Variants in LIPE observed in about 807,000 individuals in gnomAD.
LIPE encodes the protein lipase E, hormone sensitive type.
LIPE carries 66 observed loss-of-function variants against 88.5 expected under a neutral mutation model. The observed-to-expected ratio is 0.75, with a 90% CI of 0.61 to 0.91. LIPE has a LOEUF of 0.91. LIPE is among the 40% of genes least tolerant of loss of function. LIPE has a pLI of 0.00. For synonymous variants in LIPE, 570 were observed against 617.5 expected (o/e 0.92, Z 1.14); for missense variants, 1,346 against 1,434.7 (o/e 0.94, Z 1.00).
rs2040008238 is a variant in LIPE at position 42,402,351 on chromosome 19, T to C, written c.2967+256A>G. Among the ~76,000 whole-genome samples, 3 of 152,044 alleles carry C rather than the reference T, an allele frequency of 2.0e-5. No individual in the cohort carries two copies. The South Asian group carries it at 6.2e-4, about 31-fold the overall frequency. Reference sequence around the variant, plus strand: ...CGCCAAACCCACCTTTTTTTTCTCTTGATTCTCCAAGCCCAAGGGGCTGCC... The same window carrying C: ...CGCCAAACCCACCTTTTTTTTCTCTCGATTCTCCAAGCCCAAGGGGCTGCC... On this transcript the variant is annotated intron_variant, in intron 9 of 9. Transcript: ENST00000244289.
intron 1 of LIPE, among the ~76,000 whole-genome samples, chr19:42,420,567 A>T (rs1431989418): frequency 6.6e-6 from 1 of 151,680 alleles, no homozygotes; most frequent in African/African-American, 2.4e-5. Flanking sequence ...CCAGGATGTC[A>T]TCCTGGCCAC....
intron 7 of LIPE, chr19:42,405,955 C>CT (rs545539499): frequency 1.7e-6 from 1 of 581,158 alleles, no homozygotes; most frequent in South Asian, 2.1e-5. Flanking sequence ...CACCTTGTGT[C>CT]TGTCTGTCTC....
intron 9 of LIPE, 37 bp from the exon 10 acceptor site, chr19:42,402,112 G>T (rs1247033413): frequency 7.0e-7 from 1 of 1,430,796 alleles, no homozygotes; most frequent in South Asian, 1.5e-5. Context: ...AGAGAGGGTG[G>T]GGGACAGACA....
intron 1 of LIPE, chr19:42,423,667 G>C (rs528414719): frequency 3.4e-6 from 4 of 1,160,588 alleles, no homozygotes; most frequent in African/African-American, 1.7e-5. Flanking sequence ...TCTGGGTCCA[G>C]CTCCCTAACC....
chr19:42,424,099 G>A, intron 1 of LIPE: 1 of 1,189,932 alleles, frequency 8.4e-7, no homozygotes, highest in Non-Finnish European at 1.1e-6. Flanking sequence ...TTGGAGGAGG[G>A]AGCCCCGCTT....
Position 42,410,685 on chromosome 19 carries a change from C to G in LIPE, c.1041G>C (p.Gly347=). The change falls in exon 2 of 10, where the codon GGG becomes GGC. Residue 347 remains glycine, a synonymous_variant. Transcript: ENST00000244289. This position sits in a 1 kb window ranked among gnomAD's most constrained non-coding sequence, Gnocchi z 6.1. ...VFAGVREQAL[G]LEPALGRLLG... ...GCAGGCGGCCCAGGGCCGGCTCCAG[C>G]CCCAGCGCCTGCTCCCGTACACCGG... 1 of 1,612,702 alleles carries G rather than the reference C, an allele frequency of 6.2e-7. No homozygotes were observed. The highest frequency in any genetic ancestry group is 8.5e-7 in the Non-Finnish European group (1 of 1,179,106).
chr19:42,406,150 G>C lies in LIPE; in HGVS notation c.2365+11C>G. ...GCAGTCCTGTTTCCCTGCTGAGGGT[G>C]TGGGCCTCACCAGCATAGGCGCTGA... On this transcript the variant is annotated intron_variant, in intron 7 of 9. Coordinates refer to ENST00000244289, the MANE Select transcript of LIPE (RefSeq NM_005357.4). This position sits in a 1 kb window ranked among gnomAD's most constrained non-coding sequence, Gnocchi z 5.7. The C allele has an allele frequency of 6.3e-7, 1 of 1,591,530 alleles. No individual in the cohort carries two copies. Among genetic ancestry groups the C allele is most frequent in the Non-Finnish European group, 8.6e-7 (1 of 1,161,772 alleles).
chr19:42,423,956 C>T (rs2040656539), intron 1 of LIPE: 2 of 1,168,710 alleles, frequency 1.7e-6, no homozygotes, highest in Non-Finnish European at 2.1e-6. Context: ...GCACGCGGCC[C>T]GGCCCGCCTT....
rs776474826 is a variant in LIPE, at chr19:42,402,029, C to T, written c.3014G>A (p.Arg1005Gln). Residue 1005 changes from arginine to glutamine, a missense_variant, in exon 10 of 10, where the codon CGG becomes CAG. By Grantham distance (43) the Arg-to-Gln change is conservative. Coordinates refer to ENST00000244289, the MANE Select transcript of LIPE (RefSeq NM_005357.4). ...CGGCTGGCCCAGGTTGCGCAGTCGC[C>T]GCGCGAGCATGACCGAGTCGTCCAG... The part of the protein sequence containing the change: ...PMLDDSVMLA[R>Q]RLRNLGQPVT... The T allele has an allele frequency of 9.1e-6, 14 of 1,535,964 alleles. No individual in the cohort carries two copies. Among genetic ancestry groups the T allele is most frequent in the Non-Finnish European group, 4.4e-6 (5 of 1,141,614 alleles).
rs2040248596 is a variant in LIPE at position 42,408,130 on chromosome 19, C to T, written c.1511-9G>A. ...AGAGCTGGCGGCCACACCTAGGGGT[C>T]AGAAGGGGTGTCAGGGAGCCCCAGT... On this transcript the variant is annotated splice_polypyrimidine_tract_variant and intron_variant, in intron 3 of 9. Coordinates refer to ENST00000244289, the MANE Select transcript of LIPE (RefSeq NM_005357.4). The surrounding 1 kb of genome is among the most constrained non-coding windows in gnomAD (Gnocchi z 4.3). The T allele has an allele frequency of 6.2e-7, 1 of 1,613,948 alleles. No individual in the cohort carries two copies. The highest frequency in any genetic ancestry group is 1.1e-5 in the South Asian group (1 of 91,072).
chr19:42,419,787 A>T (rs923335450), intron 1 of LIPE, among the ~76,000 whole-genome samples: 3 of 152,124 alleles, frequency 2.0e-5, no homozygotes, highest in African/African-American at 7.2e-5. Flanking sequence ...CTGGAATCAG[A>T]TGCAGGTGGG....
chr19:42,401,984 TC>T lies in LIPE; in HGVS notation c.3058del (p.Glu1020ArgfsTer8). Reference sequence around the variant, plus strand: ...GGTCAGGAAGCCGTGCGGCAGGTCCTCCACCACGCGCAGCGTCACCGGCTGG... The same window carrying T: ...GGTCAGGAAGCCGTGCGGCAGGTCCTCACCACGCGCAGCGTCACCGGCTGG... The part of the protein sequence containing the change: ...LGQPVTLRVV[E>X]DLPHGFLTLA... On this transcript the variant is annotated frameshift_variant, in exon 10 of 10. Coordinates refer to ENST00000244289, the MANE Select transcript of LIPE (RefSeq NM_005357.4). LOFTEE classifies it low-confidence loss of function (END_TRUNC). The T allele has an allele frequency of 6.4e-7, 1 of 1,555,310 alleles. No individual in the cohort carries two copies. The highest frequency in any genetic ancestry group is 8.7e-7 in the Non-Finnish European group (1 of 1,152,588).
At chr19:42,420,822 C>T (rs1461689751) in intron 1 of LIPE, among the ~76,000 whole-genome samples, 1 of 152,172 alleles carries the variant, frequency 6.6e-6, no homozygotes, top group Non-Finnish European at 1.5e-5. Context: ...ACACTTCCAA[C>T]CCTTCAACAC....
At position 42,403,034 on chromosome 19, in the gene LIPE, G is replaced by T. The variant is rs768274677; in HGVS notation, c.2543-3C>A. 6.5e-7 allele frequency: 1 copy of T among 1,542,092 alleles called. No individual in the cohort carries two copies. The highest frequency in any genetic ancestry group is 8.7e-7 in the Non-Finnish European group (1 of 1,146,152). The stretch of plus-strand genomic sequence containing the variant: ...AGACACACTGCGGCGCATCGGCTCT[G>T]AGAGAGGGAGAGCAGATAGGCCTGG... On this transcript the variant is annotated splice_region_variant and splice_polypyrimidine_tract_variant and intron_variant, in intron 8 of 9. Coordinates refer to ENST00000244289, the MANE Select transcript of LIPE (RefSeq NM_005357.4).
intron 1 of LIPE, among the ~76,000 whole-genome samples, chr19:42,416,960 G>A (rs1180986826): frequency 6.6e-5 from 10 of 152,140 alleles, no homozygotes; most frequent in African/African-American, 1.9e-4. Context: ...TCGCTCTGTC[G>A]CCCAGGTTGG....
Position 42,405,965 on chromosome 19 carries a change from C to G in LIPE, c.2365+196G>C, listed in dbSNP as rs113497918. The stretch of plus-strand genomic sequence containing the variant: ...CATGACACCTTGTGTCTGTCTGTCT[C>G]TCTCTCTCTCTCACACACACACACA... On this transcript the variant is annotated intron_variant, in intron 7 of 9. Transcript: ENST00000244289. The G allele has an allele frequency of 3.4e-4, 187 of 550,320 alleles. No homozygotes were observed. In the East Asian group the frequency reaches 4.5e-3, roughly 13 times the overall value. The allele number at this position is 550,320 out of a possible 1,614,324, so 34.1% of individuals were successfully genotyped here.
Position 42,406,360 on chromosome 19 carries a change from C to A in LIPE, c.2166G>T (p.Ala722=). The A allele has an allele frequency of 6.2e-7, 1 of 1,613,806 alleles. No homozygotes were observed. The highest frequency in any genetic ancestry group is 1.6e-4 in the Middle Eastern group (1 of 6,062). The change falls in exon 7 of 10, where the codon GCG becomes GCT. Residue 722 remains alanine, a synonymous_variant. Coordinates refer to ENST00000244289, the MANE Select transcript of LIPE (RefSeq NM_005357.4). The surrounding 1 kb of genome is among the most constrained non-coding windows in gnomAD (Gnocchi z 5.7). ...LGSTGERICL[A]GDSAGGNLCF... ...AGAGGTTCCCGCCTGCACTGTCCCC[C>A]GCAAGGCAGATTCGTTCCCCTGTTG... is the stretch of plus-strand genomic sequence containing the variant.
At chr19:42,423,482 T>A in intron 1 of LIPE, 4 of 1,287,796 alleles carry the variant, frequency 3.1e-6, no homozygotes, top group Non-Finnish European at 4.0e-6. Flanking sequence ...TTGGCATTCT[T>A]CGAGGCCGGG....
At position 42,426,291 on chromosome 19, in the gene LIPE, T is replaced by G. The variant is rs777639499; in HGVS notation, c.859A>C (p.Asn287His). ...TSPHEKTSAR[N>H]HRHYQDTASR... ...CCTGTATCCTGGTAGTGTCTGTGAT[T>G]CCGAGCACTGGTTTTCTCATGTGGC... The change falls in exon 1 of 10, where the codon AAT becomes CAT. Residue 287 changes from asparagine (N) to histidine (H), a missense_variant. By Grantham distance (68) the Asn-to-His change is moderately conservative. Transcript: ENST00000244289. 1.8e-5 allele frequency: 29 copies of G among 1,603,338 alleles called. No homozygotes were observed. Among genetic ancestry groups the G allele is most frequent in the Non-Finnish European group, 2.4e-5 (28 of 1,170,862 alleles).
Sources: gnomAD v4.1 joint callset for allele counts (sites outside exome capture counted in the v4.1 genomes callset) on GRCh38, gnomAD v4.1.1 for gene constraint, Gnocchi (gnomAD v3.1) non-coding constraint, MANE v1.5 for transcripts, NCBI Gene and HGNC (gene_info 2026-07-23, HGNC 2026-07-21) for gene names.